Variants in CAP2 observed in about 807,000 individuals in gnomAD.
CAP2 encodes adenylyl cyclase-associated protein 2.
A neutral mutation model predicts 57.7 loss-of-function variants in CAP2; 24 were observed. That is an observed-to-expected ratio of 0.42 (90% confidence interval 0.30 to 0.58). CAP2 has a LOEUF of 0.58. Ranked by LOEUF, CAP2 falls within the 20% of genes least tolerant of loss-of-function variation. The probability of loss-of-function intolerance (pLI) is 0.22; values close to 1 mark genes in which losing one functional copy is unlikely to be tolerated. For missense variants in CAP2, 501 were observed against 590.3 expected (o/e 0.85, Z 1.57); for synonymous variants, 194 against 207.2 (o/e 0.94, Z 0.55).
chr6:17,523,762 T>C (rs1295609216), intron 7 of CAP2, among the ~76,000 whole-genome samples: 1 of 152,156 alleles, frequency 6.6e-6, no homozygotes, highest in Non-Finnish European at 1.5e-5. Context: ...CAAGAGCAGT[T>C]TCTGGAGGAC....
At chr6:17,459,168 A>G (rs990169267) in intron 3 of CAP2, among the ~76,000 whole-genome samples, 5 of 152,202 alleles carry the variant, frequency 3.3e-5, no homozygotes, top group Non-Finnish European at 7.3e-5. Flanking sequence ...GTCGGAAGGG[A>G]CCACTCCATC....
chr6:17,483,636 C>T lies in CAP2; in HGVS notation c.300+20563C>T, dbSNP rs142191978. 2.5e-3 allele frequency among the ~76,000 whole-genome samples: 385 copies of T among 152,274 alleles called. 2 individuals carry two copies. Among genetic ancestry groups the T allele is most frequent in the African/African-American group, 8.9e-3 (370 of 41,554 alleles). ...GTTCCTAAAGGAAAGGTATGAAAGA[C>T]GGGAATGCAAACCCTCATGGAGCCC... On this transcript the variant is annotated intron_variant, in intron 4 of 12. Transcript: ENST00000229922.
At chr6:17,410,538 T>C (rs1372189162) in intron 1 of CAP2, among the ~76,000 whole-genome samples, 1 of 151,916 alleles carries the variant, frequency 6.6e-6, no homozygotes, top group Non-Finnish European at 1.5e-5. Flanking sequence ...TTCTGACCAC[T>C]GGGAGATGAG....
intron 7 of CAP2, among the ~76,000 whole-genome samples, chr6:17,521,733 C>G (rs1762397634): frequency 6.6e-6 from 1 of 152,104 alleles, no homozygotes; most frequent in Non-Finnish European, 1.5e-5. Context: ...TTGCATAGAC[C>G]AGGACCACGT....
At chr6:17,510,713 C>G (rs1354882250) in intron 6 of CAP2, among the ~76,000 whole-genome samples, 3 of 152,348 alleles carry the variant, frequency 2.0e-5, no homozygotes, top group South Asian at 2.1e-4. Context: ...ATTCCCAAAC[C>G]TGGATATCAT....
chr6:17,450,894 G>C (rs1225691572), intron 3 of CAP2, among the ~76,000 whole-genome samples: 1 of 152,146 alleles, frequency 6.6e-6, no homozygotes, highest in Non-Finnish European at 1.5e-5. Context: ...GGCTAAGGTA[G>C]AGCCTGAAAT....
chr6:17,416,927 T>G (rs941478144), intron 1 of CAP2, among the ~76,000 whole-genome samples: 1 of 152,020 alleles, frequency 6.6e-6, no homozygotes, highest in Non-Finnish European at 1.5e-5. Flanking sequence ...ACACTGTCCC[T>G]GCAAAAAATG....
chr6:17,554,950 A>G (rs1190243662), intron 12 of CAP2, among the ~76,000 whole-genome samples: 1 of 152,178 alleles, frequency 6.6e-6, no homozygotes, highest in Non-Finnish European at 1.5e-5. Flanking sequence ...GTGTACGTGT[A>G]TTTTCCAATG....
intron 1 of CAP2, among the ~76,000 whole-genome samples, chr6:17,397,551 C>T (rs768676658): frequency 7.9e-5 from 12 of 151,502 alleles, no homozygotes; most frequent in Non-Finnish European, 1.6e-4. Flanking sequence ...AAAAATTAGC[C>T]GGGCGTGGTG....
At chr6:17,533,078 C>CAAAAAAAAAAAAAAA in intron 7 of CAP2, among the ~76,000 whole-genome samples, 1 of 87,556 alleles carries the variant, frequency 1.1e-5, no homozygotes, top group African/African-American at 4.3e-5. Context: ...CACCCCCCAC[C>CAAAAAAAAAAAAAAA]AAAAAAAAAA....
chr6:17,544,310 G>A (rs1762989232), intron 11 of CAP2, among the ~76,000 whole-genome samples: 1 of 151,978 alleles, frequency 6.6e-6, no homozygotes, highest in African/African-American at 2.4e-5. Flanking sequence ...CCATTCCAAA[G>A]AGAACTTTTT....
chr6:17,553,297 TAAAGGATGAGTGTAAATC>T (rs1445708069), intron 12 of CAP2, among the ~76,000 whole-genome samples: 8 of 152,136 alleles, frequency 5.3e-5, no homozygotes, highest in Non-Finnish European at 1.0e-4. Flanking sequence ...TCCACCGGCC[TAAAGGATGAGTGTAAATC>T]AAAACCTGAG....
chr6:17,454,419 C>A (rs1022558), intron 3 of CAP2, among the ~76,000 whole-genome samples: 17,439 of 152,190 alleles, frequency 0.11, 3,255 homozygotes, highest in African/African-American at 0.39. Context: ...AGTGTCCAGG[C>A]GCTGGCTGAG....
chr6:17,435,729 A>C (rs1186618397), intron 3 of CAP2, among the ~76,000 whole-genome samples: 14 of 140,744 alleles, frequency 9.9e-5, no homozygotes, highest in East Asian at 6.2e-4. Flanking sequence ...AAAAAAAAAA[A>C]AAACAAAAAA....
At chr6:17,436,293 GT>G (rs1759886825) in intron 3 of CAP2, among the ~76,000 whole-genome samples, 1 of 151,870 alleles carries the variant, frequency 6.6e-6, no homozygotes, top group African/African-American at 2.4e-5. Context: ...CAGCTAATTT[GT>G]TTTTTCTTTT....
intron 6 of CAP2, among the ~76,000 whole-genome samples, chr6:17,508,775 G>A (rs1449037079): frequency 6.7e-6 from 1 of 148,250 alleles, no homozygotes; most frequent in Non-Finnish European, 1.5e-5. Flanking sequence ...TTTTGAGATG[G>A]AGTCTCACTC....
At chr6:17,410,391 C>G (rs1033410877) in intron 1 of CAP2, among the ~76,000 whole-genome samples, 2 of 152,192 alleles carry the variant, frequency 1.3e-5, no homozygotes, top group African/African-American at 4.8e-5. Context: ...ACCTCTCCCC[C>G]AGTGATTCTT....
chr6:17,419,075 G>A (rs1044577965), intron 1 of CAP2, among the ~76,000 whole-genome samples: 8 of 152,184 alleles, frequency 5.3e-5, no homozygotes, highest in Admixed American at 3.9e-4. Context: ...AGTAAACTCC[G>A]CCCTCCATAG....
At chr6:17,444,639 C>CA (rs59730697) in intron 3 of CAP2, among the ~76,000 whole-genome samples, 50,635 of 89,956 alleles carry the variant, frequency 0.56, 13,519 homozygotes, top group East Asian at 0.8. Flanking sequence ...GACTCTGTCT[C>CA]AAAAAAAAAA....
Sources: gnomAD v4.1 joint callset for allele counts (sites outside exome capture counted in the v4.1 genomes callset) on GRCh38, gnomAD v4.1.1 for gene constraint, MANE v1.5 for transcripts, NCBI Gene and HGNC (gene_info 2026-07-23, HGNC 2026-07-21) for gene names.